MLLT10: variants seen among roughly 807,000 people sequenced by gnomAD.
MLLT10 encodes MLLT10 histone lysine methyltransferase DOT1L cofactor.
A neutral mutation model predicts 129.1 loss-of-function variants in MLLT10; 30 were observed. The ratio of observed to expected loss-of-function variants is 0.23; its 90% CI spans 0.17 to 0.32. The LOEUF is 0.32. Ranked by LOEUF, MLLT10 falls within the 10% of genes least tolerant of loss-of-function variation. The probability of loss-of-function intolerance (pLI) is 1.00; values close to 1 mark genes in which losing one functional copy is unlikely to be tolerated. For missense variants in MLLT10, 1,119 were observed against 1,268.3 expected (o/e 0.88, Z 1.79); for synonymous variants, 490 against 446.4 (o/e 1.10, Z -1.23).
At chr10:21,569,482 G>A (rs1389158386) in intron 3 of MLLT10, among the ~76,000 whole-genome samples, 9 of 148,852 alleles carry the variant, frequency 6.0e-5, no homozygotes, top group Non-Finnish European at 8.9e-5. Flanking sequence ...GTGCAGTGGC[G>A]TGATCTCGGC....
chr10:21,542,428 G>C (rs2035335909), intron 3 of MLLT10, among the ~76,000 whole-genome samples: 1 of 152,116 alleles, frequency 6.6e-6, no homozygotes, highest in Non-Finnish European at 1.5e-5. Context: ...AAATTAGCCG[G>C]GCGTGGTAGT....
At chr10:21,553,724 A>G (rs905476520) in intron 3 of MLLT10, among the ~76,000 whole-genome samples, 2 of 148,534 alleles carry the variant, frequency 1.3e-5, no homozygotes, top group Non-Finnish European at 3.0e-5. Context: ...ATCTTGGCTC[A>G]CTGCAAACTC....
At chr10:21,558,089 A>C (rs1397561866) in intron 3 of MLLT10, among the ~76,000 whole-genome samples, 1 of 150,772 alleles carries the variant, frequency 6.6e-6, no homozygotes, top group Admixed American at 6.6e-5. Context: ...AGCTGGGATT[A>C]CAGGTGCCTG....
chr10:21,643,125 C>T (rs2048177491), intron 8 of MLLT10, among the ~76,000 whole-genome samples: 1 of 152,130 alleles, frequency 6.6e-6, no homozygotes, highest in Non-Finnish European at 1.5e-5. Context: ...CTCTGCCTCT[C>T]CAGTTCAAGC....
chr10:21,740,310 CCT>C, intron 22 of MLLT10, 74 bp downstream of exon 22: 2 of 1,513,188 alleles, frequency 1.3e-6, no homozygotes, highest in Non-Finnish European at 1.8e-6. Context: ...CATTTTCCAG[CCT>C]GGTTTTGTTC....
intron 8 of MLLT10, among the ~76,000 whole-genome samples, chr10:21,621,608 C>T (rs1043780219): frequency 1.3e-5 from 2 of 151,330 alleles, no homozygotes; most frequent in African/African-American, 4.9e-5. Context: ...CGACCTCCGC[C>T]CCCCCCACCC....
intron 11 of MLLT10, among the ~76,000 whole-genome samples, chr10:21,674,808 T>G (rs2051904157): frequency 2.6e-5 from 4 of 152,196 alleles, no homozygotes; most frequent in Non-Finnish European, 4.4e-5. Flanking sequence ...GTAAGATAAA[T>G]TATTATGGAT....
chr10:21,575,735 CT>C (rs2040666292), intron 3 of MLLT10, among the ~76,000 whole-genome samples: 1 of 152,098 alleles, frequency 6.6e-6, no homozygotes, highest in Admixed American at 6.6e-5. Context: ...GTTAAAATAT[CT>C]TACCACGTTT....
chr10:21,546,447 C>G (rs2130926769), intron 3 of MLLT10, among the ~76,000 whole-genome samples: 1 of 152,028 alleles, frequency 6.6e-6, no homozygotes, highest in Non-Finnish European at 1.5e-5. Flanking sequence ...CTCTGTGGCC[C>G]AGGCTGGAGT....
At chr10:21,681,703 A>G (rs1423405238) in intron 12 of MLLT10, among the ~76,000 whole-genome samples, 3 of 151,868 alleles carry the variant, frequency 2.0e-5, no homozygotes, top group Non-Finnish European at 4.4e-5. Flanking sequence ...TAATTTTTCA[A>G]TATTTGTATA....
intron 8 of MLLT10, among the ~76,000 whole-genome samples, chr10:21,644,078 C>G (rs1043343006): frequency 6.6e-6 from 1 of 152,108 alleles, no homozygotes; most frequent in African/African-American, 2.4e-5. Flanking sequence ...AACCTTATTA[C>G]TTTGGTTATC....
intron 18 of MLLT10, among the ~76,000 whole-genome samples, 168 bp downstream of exon 18, chr10:21,733,255 A>C (rs918742273): frequency 6.6e-6 from 1 of 152,210 alleles, no homozygotes; most frequent in African/African-American, 2.4e-5. Context: ...ACTTGAATTT[A>C]ACTTTCTTAG....
intron 18 of MLLT10, 45 bp from the exon 19 acceptor site, chr10:21,733,459 A>AT: frequency 8.1e-7 from 1 of 1,228,294 alleles, no homozygotes; most frequent in Non-Finnish European, 1.1e-6. Flanking sequence ...ACATAATGTA[A>AT]TTTAATAGGG....
chr10:21,573,948 T>C (rs1469525062), intron 3 of MLLT10, among the ~76,000 whole-genome samples: 7 of 152,220 alleles, frequency 4.6e-5, no homozygotes, highest in African/African-American at 1.7e-4. Flanking sequence ...GTTGTAATCT[T>C]GTTGCTTTTT....
intron 13 of MLLT10, among the ~76,000 whole-genome samples, chr10:21,684,710 T>C (rs1345847447): frequency 6.6e-6 from 1 of 152,204 alleles, no homozygotes; most frequent in Non-Finnish European, 1.5e-5. Flanking sequence ...CTGTCTTACT[T>C]AGAGAATTTT....
At chr10:21,696,080 CTT>C (rs1459180654) in intron 13 of MLLT10, among the ~76,000 whole-genome samples, 2 of 151,622 alleles carry the variant, frequency 1.3e-5, no homozygotes, top group African/African-American at 4.8e-5. Context: ...GGTCTCATCT[CTT>C]TTCCTTTTGG....
chr10:21,631,532 G>GA (rs1480049881), intron 8 of MLLT10, among the ~76,000 whole-genome samples: 1 of 151,724 alleles, frequency 6.6e-6, no homozygotes, highest in African/African-American at 2.4e-5. Flanking sequence ...TTAGTAGGAA[G>GA]AAAAGAGATT....
intron 3 of MLLT10, among the ~76,000 whole-genome samples, chr10:21,548,729 A>C (rs752115652): frequency 3.3e-5 from 5 of 152,036 alleles, no homozygotes; most frequent in Non-Finnish European, 5.9e-5. Context: ...ATTTATGCTT[A>C]TTTTTAATTC....
chr10:21,625,867 C>A, intron 8 of MLLT10: 1 of 779,342 alleles, frequency 1.3e-6, no homozygotes, highest in Non-Finnish European at 2.4e-6. Context: ...GACGTAGATC[C>A]CAAATGGGAC....
Sources: gnomAD v4.1 joint callset for allele counts (sites outside exome capture counted in the v4.1 genomes callset) on GRCh38, gnomAD v4.1.1 for gene constraint, MANE v1.5 for transcripts, NCBI Gene and HGNC (gene_info 2026-07-23, HGNC 2026-07-21) for gene names.